Variants in XYLT1 observed in about 807,000 individuals in gnomAD.
XYLT1 encodes the protein beta-D-xylosyltransferase 1.
Under a neutral mutation model 91.3 loss-of-function variants are expected in XYLT1, and 36 were observed. That is an observed-to-expected ratio of 0.39 (90% confidence interval 0.30 to 0.52). XYLT1 has a LOEUF of 0.52. XYLT1 is among the 20% of genes least tolerant of loss of function. XYLT1 has a pLI of 0.68. For synonymous variants in XYLT1, 588 were observed against 532.0 expected (o/e 1.11, Z -1.45); for missense variants, 1,242 against 1,284.5 (o/e 0.97, Z 0.51).
At chr16:17,204,561 A>G (rs1280409275) in intron 3 of XYLT1, among the ~76,000 whole-genome samples, 1 of 152,036 alleles carries the variant, frequency 6.6e-6, no homozygotes, top group East Asian at 1.9e-4. Flanking sequence ...GATGGGGGGC[A>G]GAGGGGGAAG....
intron 2 of XYLT1, among the ~76,000 whole-genome samples, chr16:17,334,402 A>C (rs544313793): frequency 7.0e-4 from 106 of 152,266 alleles, no homozygotes; most frequent in Non-Finnish European, 9.9e-4. Flanking sequence ...CTTCACAGGA[A>C]AGTGACTGCA....
Position 17,326,630 on chromosome 16 carries a change from T to C in XYLT1, c.402+31382A>G, listed in dbSNP as rs199740398. On this transcript the variant is annotated intron_variant, in intron 2 of 11. Transcript: ENST00000261381. Reference sequence around the variant, plus strand: ...CAAGGTCAGGAGATCGAGACCATCCTGGCTGAAACGGTGAAACCCCTTATC... The same window carrying C: ...CAAGGTCAGGAGATCGAGACCATCCCGGCTGAAACGGTGAAACCCCTTATC... Among the ~76,000 whole-genome samples, 29 of 152,078 alleles carry C rather than the reference T, an allele frequency of 1.9e-4. No individual in the cohort carries two copies. In the East Asian group the frequency reaches 5.2e-3, roughly 27 times the overall value.
At chr16:17,332,752 C>A (rs1415364843) in intron 2 of XYLT1, among the ~76,000 whole-genome samples, 1 of 152,122 alleles carries the variant, frequency 6.6e-6, no homozygotes, top group East Asian at 1.9e-4. Context: ...AGGACTCTGG[C>A]CTTCAGATAA....
chr16:17,280,553 C>T (rs1002403996), intron 2 of XYLT1, among the ~76,000 whole-genome samples: 1 of 152,032 alleles, frequency 6.6e-6, no homozygotes, highest in Admixed American at 6.6e-5. Context: ...CTTCCATGTA[C>T]CAATTTTGTT....
At chr16:17,431,270 C>A (rs548293185) in intron 1 of XYLT1, among the ~76,000 whole-genome samples, 1 of 152,154 alleles carries the variant, frequency 6.6e-6, no homozygotes, top group African/African-American at 2.4e-5. Flanking sequence ...CTTAGAGCGG[C>A]GCTTCTCAAA....
At chr16:17,112,889 G>GA (rs950168287) in intron 11 of XYLT1, among the ~76,000 whole-genome samples, 2 of 143,996 alleles carry the variant, frequency 1.4e-5, no homozygotes, top group African/African-American at 4.9e-5. Flanking sequence ...TGCCAGGCTG[G>GA]AGTGCAATGG....
At chr16:17,462,629 C>T (rs2036838347) in intron 1 of XYLT1, among the ~76,000 whole-genome samples, 1 of 152,126 alleles carries the variant, frequency 6.6e-6, no homozygotes, top group South Asian at 2.1e-4. Context: ...GTGGCGGGCT[C>T]CTCAGTGGGC....
intron 2 of XYLT1, among the ~76,000 whole-genome samples, chr16:17,333,168 T>C (rs961351231): frequency 3.3e-5 from 5 of 152,184 alleles, no homozygotes; most frequent in Non-Finnish European, 5.9e-5. Context: ...ATTTCCTTCA[T>C]CCTCATTCAA....
intron 1 of XYLT1, among the ~76,000 whole-genome samples, chr16:17,438,873 C>T (rs11859707): frequency 0.36 from 54,112 of 151,928 alleles, 10,792 homozygotes; most frequent in African/African-American, 0.51. Context: ...TCCCTCAACA[C>T]TGGGAATTAC....
intron 1 of XYLT1, among the ~76,000 whole-genome samples, chr16:17,373,026 A>G (rs1277911059): frequency 6.6e-6 from 1 of 152,208 alleles, no homozygotes; most frequent in Non-Finnish European, 1.5e-5. Context: ...GAGGGCTGCT[A>G]ATATATAATC....
intron 2 of XYLT1, among the ~76,000 whole-genome samples, chr16:17,340,945 A>C (rs1357171854): frequency 1.3e-5 from 2 of 152,208 alleles, no homozygotes; most frequent in Admixed American, 6.5e-5. Context: ...CTAAAATTCA[A>C]ATCAAGGCAG....
chr16:17,339,117 G>C (rs1181153536), intron 2 of XYLT1, among the ~76,000 whole-genome samples: 1 of 152,210 alleles, frequency 6.6e-6, no homozygotes, highest in African/African-American at 2.4e-5. Flanking sequence ...TATATACCCT[G>C]TGATGAACAT....
intron 5 of XYLT1, among the ~76,000 whole-genome samples, chr16:17,189,749 T>C (rs1339431662): frequency 6.6e-6 from 1 of 152,184 alleles, no homozygotes; most frequent in African/African-American, 2.4e-5. Flanking sequence ...TGCATTCATA[T>C]AAAATGTCCA....
intron 2 of XYLT1, among the ~76,000 whole-genome samples, chr16:17,282,033 T>C (rs999198746): frequency 6.6e-6 from 1 of 152,212 alleles, no homozygotes; most frequent in Non-Finnish European, 1.5e-5. Flanking sequence ...TCTGGCTGTC[T>C]TCCCGGCCAG....
chr16:17,382,635 G>C (rs1443443965), intron 1 of XYLT1, among the ~76,000 whole-genome samples: 1 of 151,744 alleles, frequency 6.6e-6, no homozygotes, highest in Non-Finnish European at 1.5e-5. Context: ...GATGAACTTG[G>C]CCCTACAGAG....
At chr16:17,331,866 G>A (rs74013014) in intron 2 of XYLT1, among the ~76,000 whole-genome samples, 6,839 of 152,246 alleles carry the variant, frequency 0.045, 546 homozygotes, top group African/African-American at 0.15. Flanking sequence ...TGGCTTGAAT[G>A]TAAGTTTCCC....
intron 2 of XYLT1, among the ~76,000 whole-genome samples, chr16:17,330,276 G>A (rs1369328202): frequency 6.6e-6 from 1 of 152,142 alleles, no homozygotes; most frequent in Non-Finnish European, 1.5e-5. Context: ...ACTGGGTTGG[G>A]CTCCCCAAGG....
rs1211378641 is a variant in XYLT1 at position 17,207,052 on chromosome 16, C to CTTTTT, written c.914-6403_914-6399dup. On this transcript the variant is annotated intron_variant, in intron 3 of 11. Transcript: ENST00000261381. ...GAGTCAGGTTGGTTTTCTTTTCTTT[C>CTTTTT]TTTTTTTTTTTTTTTTTTTTTTGAG... Among the ~76,000 whole-genome samples the CTTTTT allele has an allele frequency of 1.7e-3, 208 of 121,046 alleles. 2 individuals are homozygous for CTTTTT. Among genetic ancestry groups the CTTTTT allele is most frequent in the African/African-American group, 3.6e-3 (116 of 31,986 alleles). The allele number at this position is 121,046 out of a possible 152,430, so 79.4% of individuals were successfully genotyped here.
chr16:17,278,786 G>A (rs780474389), intron 2 of XYLT1, among the ~76,000 whole-genome samples: 1 of 152,214 alleles, frequency 6.6e-6, no homozygotes, highest in African/African-American at 2.4e-5. Flanking sequence ...CTCAGGCAAA[G>A]TCGCCCAGGA....
Sources: gnomAD v4.1 joint callset for allele counts (sites outside exome capture counted in the v4.1 genomes callset) on GRCh38, gnomAD v4.1.1 for gene constraint, MANE v1.5 for transcripts, NCBI Gene and HGNC (gene_info 2026-07-23, HGNC 2026-07-21) for gene names.